Variants in DNAJC10 observed in about 807,000 individuals in gnomAD.
DNAJC10 encodes the protein DnaJ heat shock protein family (Hsp40) member C10.
In DNAJC10, 101 loss-of-function variants were observed where a neutral mutation model predicts 115.0. The ratio of observed to expected loss-of-function variants is 0.88; its 90% confidence interval spans 0.75 to 1.04. The LOEUF (loss-of-function observed/expected upper bound fraction) is 1.04. Among genes scored for constraint, DNAJC10 ranks in the 50% least tolerant of loss-of-function variants. The pLI is 0.00. For synonymous variants in DNAJC10, 307 were observed against 301.5 expected (o/e 1.02, Z -0.19); for missense variants, 981 against 928.8 (o/e 1.06, Z -0.73).
In DNAJC10 at chr2:182,752,164, A is replaced by G. The variant is rs747493044; in HGVS notation, c.1527A>G (p.Thr509=). 7.6e-6 allele frequency: 12 copies of G among 1,584,288 alleles called. No homozygotes were observed. Among genetic ancestry groups the G allele is most frequent in the Middle Eastern group, 1.7e-4 (1 of 5,982 alleles). ...TTAAGTTTGGTACACTAGATTGTAC[A>G]GTTCATGAGGGACTCTGTAACATGG... ...GQLKFGTLDC[T]VHEGLCNMYN... Residue 509 remains threonine (T), a synonymous_variant, in exon 16 of 24, where the codon ACA becomes ACG. Coordinates refer to ENST00000264065, the MANE Select transcript of DNAJC10 (RefSeq NM_018981.4).
intron 14 of DNAJC10, among the ~76,000 whole-genome samples, 170 bp from the exon 15 acceptor site, chr2:182,751,488 G>T (rs1694017233): frequency 1.3e-5 from 2 of 152,224 alleles, no homozygotes; most frequent in South Asian, 4.1e-4. Context: ...AGAAAAGGGT[G>T]CTCCTATCAG....
At chr2:182,742,500 T>TGAAA (rs1477920223) in intron 13 of DNAJC10, among the ~76,000 whole-genome samples, 4 of 152,074 alleles carry the variant, frequency 2.6e-5, no homozygotes, top group African/African-American at 9.7e-5. Flanking sequence ...ACATGGGAAA[T>TGAAA]TTTCAACTCA....
intron 5 of DNAJC10, among the ~76,000 whole-genome samples, chr2:182,724,002 T>C (rs1371735460): frequency 3.3e-5 from 5 of 152,150 alleles, no homozygotes; most frequent in Admixed American, 6.6e-5. Flanking sequence ...GCAGATGTTA[T>C]CATTTCTGGC....
chr2:182,782,666 TC>T lies in DNAJC10; in HGVS notation c.*5535del. ...TAAGTTGTATTCCTAGGTATTTAATTCTCTTTGTAGCAATTGTGAATGGGAG... is the reference window on the plus strand; with the variant it reads ...TAAGTTGTATTCCTAGGTATTTAATTTCTTTGTAGCAATTGTGAATGGGAG... On this transcript the variant is annotated 3_prime_UTR_variant, in exon 24 of 24. Transcript: ENST00000264065. The T allele has an allele frequency of 1.3e-5, 2 of 152,266 alleles. No individual in the cohort carries two copies. The highest frequency in any genetic ancestry group is 1.3e-4 in the Admixed American group (2 of 15,290). 9.4% of individuals were successfully genotyped at this position (152,266 alleles called of 1,614,324 possible).
At position 182,778,610 on chromosome 2, in the gene DNAJC10, A is replaced by T. The variant is rs1248894306; in HGVS notation, c.*1478A>T. The T allele has an allele frequency of 1.3e-5, 2 of 152,168 alleles. No individual in the cohort carries two copies. The highest frequency in any genetic ancestry group is 2.9e-5 in the Non-Finnish European group (2 of 68,038). The allele number at this position is 152,168 out of a possible 1,614,324, so 9.4% of individuals were successfully genotyped here. ...TCACCAGTATTTCCTCATAAGGGTT[A>T]TTATAGCCATAATTAATGTTAAAAT... On this transcript the variant is annotated 3_prime_UTR_variant, in exon 24 of 24. Transcript: ENST00000264065.
chr2:182,786,800 C>A lies in DNAJC10; in HGVS notation c.*9668C>A, dbSNP rs1694954545. On this transcript the variant is annotated 3_prime_UTR_variant, in exon 24 of 24. Coordinates refer to ENST00000264065, the MANE Select transcript of DNAJC10 (RefSeq NM_018981.4). ...TTACTATGGTCCGAATGTTTATATC[C>A]CCTCCTGCTCTCCCTAAAATTATGT... is the stretch of plus-strand genomic sequence containing the variant. The A allele has an allele frequency of 6.6e-6, 1 of 152,152 alleles. No homozygotes were observed. The highest frequency in any genetic ancestry group is 1.5e-5 in the Non-Finnish European group (1 of 68,064). The allele number at this position is 152,152 out of a possible 1,614,324, so 9.4% of individuals were successfully genotyped here. A position where few individuals can be genotyped will look rare whatever the true frequency, so the allele number is the denominator to read the frequency against.
At chr2:182,749,860 T>C (rs1693970773) in intron 14 of DNAJC10, among the ~76,000 whole-genome samples, 1 of 152,202 alleles carries the variant, frequency 6.6e-6, no homozygotes, top group Non-Finnish European at 1.5e-5. Context: ...ACACGGATTT[T>C]CTCATGAGGT....
chr2:182,748,567 G>A (rs1296275958), intron 14 of DNAJC10, among the ~76,000 whole-genome samples: 1 of 152,076 alleles, frequency 6.6e-6, no homozygotes, highest in Non-Finnish European at 1.5e-5. Context: ...CTGTGGGATT[G>A]GTGGTGATAT....
Position 182,762,735 on chromosome 2 carries a change from G to A in DNAJC10, c.2199G>A (p.Gln733=). Residue 733 remains glutamine, a synonymous_variant, in exon 22 of 24, where the codon CAG becomes CAA. Coordinates refer to ENST00000264065, the MANE Select transcript of DNAJC10 (RefSeq NM_018981.4). The stretch of plus-strand genomic sequence containing the variant: ...AAGTAGACTGTCAGGCTTATGCTCA[G>A]ACATGCCAGAAAGCTGGGATCAGGG... ...AGKVDCQAYA[Q]TCQKAGIRAY... is the part of the protein sequence containing the mutation. The A allele has an allele frequency of 6.2e-7, 1 of 1,612,746 alleles. No homozygotes were observed. Among genetic ancestry groups the A allele is most frequent in the Non-Finnish European group, 8.5e-7 (1 of 1,179,030 alleles).
In DNAJC10 at chr2:182,786,317, A is replaced by G. The variant is rs1694944516; in HGVS notation, c.*9185A>G. 6.6e-6 allele frequency: 1 copy of G among 152,056 alleles called. No individual in the cohort carries two copies. 9.4% of individuals were successfully genotyped at this position (152,056 alleles called of 1,614,324 possible). ...CTTTCGAAGAGAATGGGTAGAATTC[A>G]TTTTCTTTTCATTACTTCCTTTCAG... On this transcript the variant is annotated 3_prime_UTR_variant, in exon 24 of 24. Transcript: ENST00000264065.
chr2:182,740,277 C>T (rs1480284421), intron 11 of DNAJC10, 22 bp from the exon 12 acceptor site: 1 of 1,348,222 alleles, frequency 7.4e-7, no homozygotes, highest in Non-Finnish European at 1.0e-6. Flanking sequence ...AAAAAGATTA[C>T]AATGTGATTT....
At chr2:182,731,399 G>A (rs1693444013) in intron 9 of DNAJC10, among the ~76,000 whole-genome samples, 1 of 151,890 alleles carries the variant, frequency 6.6e-6, no homozygotes, top group Admixed American at 6.6e-5. Flanking sequence ...TTGACAATTT[G>A]CAAAAATAAC....
chr2:182,762,618 C>G, intron 21 of DNAJC10, 64 bp from the exon 22 acceptor site: 2 of 1,549,498 alleles, frequency 1.3e-6, no homozygotes, highest in South Asian at 2.3e-5. Context: ...TATCCTATTG[C>G]TTTGTTGTTG....
intron 22 of DNAJC10, among the ~76,000 whole-genome samples, chr2:182,770,756 G>A (rs1489626791): frequency 6.6e-6 from 1 of 152,166 alleles, no homozygotes; most frequent in Non-Finnish European, 1.5e-5. Context: ...TCTGCATACA[G>A]GGACAATTTG....
intron 22 of DNAJC10, among the ~76,000 whole-genome samples, chr2:182,769,878 T>A (rs192496005): frequency 1.6e-4 from 25 of 152,272 alleles, no homozygotes; most frequent in African/African-American, 2.2e-4. Flanking sequence ...GGTGTTTTCG[T>A]CATGAAGTCC....
At chr2:182,725,855 G>A (rs983996015) in intron 5 of DNAJC10, among the ~76,000 whole-genome samples, 1 of 152,110 alleles carries the variant, frequency 6.6e-6, no homozygotes, top group Non-Finnish European at 1.5e-5. Flanking sequence ...GCCTTCCATT[G>A]GAAGAAGATG....
At chr2:182,765,964 T>C (rs960481073) in intron 22 of DNAJC10, among the ~76,000 whole-genome samples, 3 of 152,204 alleles carry the variant, frequency 2.0e-5, no homozygotes, top group African/African-American at 2.4e-5. Context: ...GGGGGTAGCA[T>C]GTATTAGGCC....
At chr2:182,721,958 T>A in intron 4 of DNAJC10, 67 bp from the exon 5 acceptor site, 1 of 892,542 alleles carries the variant, frequency 1.1e-6, no homozygotes, top group South Asian at 1.7e-5. Flanking sequence ...ACGAGTAATC[T>A]ATTTTTATGT....
chr2:182,783,848 A>G lies in DNAJC10; in HGVS notation c.*6716A>G, dbSNP rs1398083226. On this transcript the variant is annotated 3_prime_UTR_variant, in exon 24 of 24. Coordinates refer to ENST00000264065, the MANE Select transcript of DNAJC10 (RefSeq NM_018981.4). ...AGCAATTCATCTGTCAATAATCACC[A>G]AAGAACTCAAGAATGAATAACATGA... The G allele has an allele frequency of 2.6e-5, 4 of 152,178 alleles. No individual in the cohort carries two copies. Among genetic ancestry groups the G allele is most frequent in the African/African-American group, 7.2e-5 (3 of 41,442 alleles). 9.4% of individuals were successfully genotyped at this position (152,178 alleles called of 1,614,324 possible).
Sources: gnomAD v4.1 joint callset for allele counts (sites outside exome capture counted in the v4.1 genomes callset) on GRCh38, gnomAD v4.1.1 for gene constraint, MANE v1.5 for transcripts, NCBI Gene and HGNC (gene_info 2026-07-23, HGNC 2026-07-21) for gene names.